Variants in PTPRM observed in about 807,000 individuals in gnomAD.
PTPRM encodes the protein protein tyrosine phosphatase receptor type M.
PTPRM carries 47 observed loss-of-function variants against 186.7 expected under a neutral mutation model. The observed-to-expected ratio is 0.25, with a 90% CI of 0.20 to 0.32. The LOEUF is 0.32. PTPRM is among the 10% of genes least tolerant of loss of function. The probability of loss-of-function intolerance (pLI) is 1.00; values close to 1 mark genes in which losing one functional copy is unlikely to be tolerated. For missense variants in PTPRM, 1,494 were observed against 1,865.0 expected, an observed-to-expected ratio of 0.80 and a Z score of 3.66; for synonymous variants, 668 against 674.9, an observed-to-expected ratio of 0.99 and a Z score of 0.16.
intron 20 of PTPRM, among the ~76,000 whole-genome samples, chr18:8,297,313 A>G (rs919410077): frequency 1.3e-5 from 2 of 152,252 alleles, no homozygotes; most frequent in Admixed American, 6.5e-5. Context: ...ACGAGAGAAC[A>G]AACTTGGGAG....
intron 7 of PTPRM, among the ~76,000 whole-genome samples, chr18:8,033,378 G>C (rs1181055308): frequency 2.0e-5 from 3 of 152,086 alleles, no homozygotes; most frequent in African/African-American, 7.2e-5. Flanking sequence ...ATACAGTCAT[G>C]TGTCACTCAA....
intron 5 of PTPRM, among the ~76,000 whole-genome samples, chr18:7,928,581 CTTTGA>C (rs965344779): frequency 2.0e-5 from 3 of 152,270 alleles, no homozygotes; most frequent in African/African-American, 4.8e-5. Flanking sequence ...CTATTTGTTC[CTTTGA>C]TTTATCTCTA....
intron 13 of PTPRM, among the ~76,000 whole-genome samples, chr18:8,127,877 GCT>G (rs1263145074): frequency 6.6e-6 from 1 of 152,094 alleles, no homozygotes; most frequent in Non-Finnish European, 1.5e-5. Flanking sequence ...TATGCTCTTT[GCT>G]CTGCAGGAAC....
chr18:7,879,959 C>G (rs1197556026), intron 2 of PTPRM, among the ~76,000 whole-genome samples: 1 of 152,160 alleles, frequency 6.6e-6, no homozygotes, highest in Non-Finnish European at 1.5e-5. Context: ...ACTCAGGAAA[C>G]TTAGAATCCT....
chr18:8,224,642 C>A (rs1401803073), intron 14 of PTPRM, among the ~76,000 whole-genome samples: 1 of 152,160 alleles, frequency 6.6e-6, no homozygotes, highest in Non-Finnish European at 1.5e-5. Context: ...ACACTTGATT[C>A]ATTTGTGACC....
At chr18:7,637,764 A>T (rs893325894) in intron 1 of PTPRM, among the ~76,000 whole-genome samples, 2 of 152,228 alleles carry the variant, frequency 1.3e-5, no homozygotes, top group African/African-American at 4.8e-5. Flanking sequence ...TTTGGACTTG[A>T]GTACAAATAT....
At chr18:7,899,364 C>A (rs1332626341) in intron 3 of PTPRM, among the ~76,000 whole-genome samples, 2 of 152,080 alleles carry the variant, frequency 1.3e-5, no homozygotes, top group African/African-American at 4.8e-5. Context: ...GAAAGCTTTG[C>A]AAGTATTGAT....
intron 19 of PTPRM, among the ~76,000 whole-genome samples, chr18:8,293,766 T>C (rs2095065275): frequency 6.6e-6 from 1 of 152,196 alleles, no homozygotes; most frequent in South Asian, 2.1e-4. Context: ...TGTAGCAGAA[T>C]AGAAGCTACA....
At chr18:7,658,012 A>G (rs1458342033) in intron 1 of PTPRM, among the ~76,000 whole-genome samples, 2 of 152,186 alleles carry the variant, frequency 1.3e-5, no homozygotes, top group Non-Finnish European at 1.5e-5. Flanking sequence ...CTCACCTCAC[A>G]TAGTTACCTT....
chr18:8,289,565 T>TATATATATAC (rs1199950221), intron 19 of PTPRM, among the ~76,000 whole-genome samples: 6 of 96,582 alleles, frequency 6.2e-5, no homozygotes, highest in South Asian at 3.8e-4. Context: ...TATATACACA[T>TATATATATAC]ATATATATAT....
chr18:7,987,161 G>A (rs2083006260), intron 7 of PTPRM, among the ~76,000 whole-genome samples: 1 of 152,176 alleles, frequency 6.6e-6, no homozygotes, highest in Admixed American at 6.5e-5. Flanking sequence ...AGCTGTAACT[G>A]TCCTCCAAAA....
At chr18:7,834,528 A>ACACACACACT (rs763752808) in intron 2 of PTPRM, among the ~76,000 whole-genome samples, 2,997 of 146,064 alleles carry the variant, frequency 0.021, 159 homozygotes, top group African/African-American at 0.073. Context: ...ACACACACAC[A>ACACACACACT]CTTCCAGACT....
At chr18:7,678,349 G>T (rs533651862) in intron 1 of PTPRM, among the ~76,000 whole-genome samples, 2 of 152,280 alleles carry the variant, frequency 1.3e-5, no homozygotes, top group East Asian at 3.9e-4. Context: ...ATTCTTAAAA[G>T]TTTCCCAATC....
intron 14 of PTPRM, among the ~76,000 whole-genome samples, chr18:8,179,369 T>C (rs1045294525): frequency 3.3e-5 from 5 of 152,220 alleles, no homozygotes; most frequent in African/African-American, 4.8e-5. Context: ...TTCAGTCTTC[T>C]ATTAGTTCAG....
At chr18:7,791,239 C>CT (rs549711173) in intron 2 of PTPRM, among the ~76,000 whole-genome samples, 28 of 150,648 alleles carry the variant, frequency 1.9e-4, no homozygotes, top group South Asian at 8.4e-4. Flanking sequence ...GTCTAGATCC[C>CT]TTTTTTTTTC....
At chr18:8,306,581 G>A (rs117057680) in intron 20 of PTPRM, among the ~76,000 whole-genome samples, 1,758 of 152,274 alleles carry the variant, frequency 0.012, 15 homozygotes, top group Admixed American at 0.019. Context: ...TCTTGACCCC[G>A]TGGTTTTCAT....
intron 13 of PTPRM, among the ~76,000 whole-genome samples, chr18:8,117,523 G>A (rs971902721): frequency 3.3e-5 from 5 of 152,076 alleles, no homozygotes; most frequent in Admixed American, 2.0e-4. Context: ...TTAATGCAGT[G>A]ATTATTTTAA....
intron 7 of PTPRM, among the ~76,000 whole-genome samples, chr18:8,065,351 C>T (rs2088979178): frequency 6.6e-6 from 1 of 152,126 alleles, no homozygotes; most frequent in African/African-American, 2.4e-5. Flanking sequence ...CTTGCTCGTC[C>T]CTTAGGTCAG....
chr18:7,704,996 T>C (rs1332043549), intron 1 of PTPRM, among the ~76,000 whole-genome samples: 1 of 152,108 alleles, frequency 6.6e-6, no homozygotes, highest in East Asian at 1.9e-4. Flanking sequence ...TCTGAGGAAA[T>C]AATATTTAAG....
Sources: allele counts gnomAD v4.1 joint callset (sites outside exome capture counted in the v4.1 genomes callset), GRCh38; gene constraint gnomAD v4.1.1; transcripts MANE v1.5; gene names NCBI Gene and HGNC (gene_info 2026-07-23, HGNC 2026-07-21).